Variants in EIF4G3 observed in about 807,000 individuals in gnomAD.
EIF4G3 encodes the protein eukaryotic translation initiation factor 4 gamma 3, also known as eIF-4-gamma 3.
EIF4G3 carries 34 observed loss-of-function variants against 186.4 expected under a neutral mutation model. That is an observed-to-expected ratio of 0.18 (90% confidence interval 0.14 to 0.24). EIF4G3 has a LOEUF of 0.24. EIF4G3 is among the 10% of genes least tolerant of loss of function. EIF4G3 has a pLI of 1.00. For synonymous variants in EIF4G3, 673 were observed against 679.5 expected (o/e 0.99, Z 0.15); for missense variants, 1,536 against 1,948.5 (o/e 0.79, Z 3.99).
intron 29 of EIF4G3, 169 bp from the exon 30 acceptor site, chr1:20,841,197 A>C (rs2068460966): frequency 1.7e-6 from 1 of 593,888 alleles, no homozygotes; most frequent in African/African-American, 1.9e-5. Context: ...TAGCTCAGTA[A>C]ATTACAGGCT....
At chr1:20,854,850 A>G in intron 26 of EIF4G3, 128 bp downstream of exon 26, 1 of 596,354 alleles carries the variant, frequency 1.7e-6, no homozygotes, top group Non-Finnish European at 2.9e-6. Flanking sequence ...AGGGCTACCA[A>G]TAAAATTTTA....
chr1:20,955,652 G>A (rs1453473903), intron 12 of EIF4G3, among the ~76,000 whole-genome samples: 3 of 152,154 alleles, frequency 2.0e-5, no homozygotes, highest in Non-Finnish European at 2.9e-5. Context: ...AATAATTTTG[G>A]TGGTAATAAT....
rs1160572503 is a variant in EIF4G3, at chr1:21,161,642, T to C, written c.-272+14533A>G. On this transcript the variant is annotated intron_variant, in intron 2 of 36. Coordinates refer to ENST00000602326, the MANE Select transcript of EIF4G3 (RefSeq NM_001391906.1). The stretch of plus-strand genomic sequence containing the variant: ...CTGGGTCAGGCTCTGAACGAAAGGG[T>C]AGAGAGAGATTCAACCAGTCAGTGT... 3.3e-5 allele frequency: 5 copies of C among 151,338 alleles called. No individual in the cohort carries two copies. The East Asian group carries it at 9.7e-4, about 29-fold the overall frequency. The allele number at this position is 151,338 out of a possible 1,614,324, so 9.4% of individuals were successfully genotyped here.
At chr1:20,956,140 C>T (rs2096409095) in intron 12 of EIF4G3, among the ~76,000 whole-genome samples, 1 of 152,080 alleles carries the variant, frequency 6.6e-6, no homozygotes, top group Admixed American at 6.6e-5. Flanking sequence ...AGGCATCAAC[C>T]ACATAGATCA....
intron 2 of EIF4G3, 116 bp downstream of exon 2, chr1:21,176,059 G>T (rs975877531): frequency 3.9e-6 from 1 of 255,956 alleles, no homozygotes; most frequent in Non-Finnish European, 7.3e-6. Context: ...GGCTTGAGCC[G>T]CTGTCCCTTT....
intron 13 of EIF4G3, among the ~76,000 whole-genome samples, chr1:20,946,246 A>G (rs1261185729): frequency 6.6e-6 from 1 of 152,216 alleles, no homozygotes; most frequent in Non-Finnish European, 1.5e-5. Context: ...CCATTCACTG[A>G]ACACACTAGG....
At chr1:20,970,083 C>T (rs1019728995) in intron 11 of EIF4G3, among the ~76,000 whole-genome samples, 4 of 152,060 alleles carry the variant, frequency 2.6e-5, no homozygotes, top group Admixed American at 2.6e-4. Flanking sequence ...CGTGCCTCAG[C>T]CTCCCGTGCC....
intron 2 of EIF4G3, among the ~76,000 whole-genome samples, chr1:21,160,708 G>C (rs946475069): frequency 2.0e-5 from 3 of 152,156 alleles, no homozygotes; most frequent in Non-Finnish European, 1.5e-5. Context: ...ATCTTCAAAA[G>C]TGTCAAAGTC....
intron 27 of EIF4G3, 121 bp from the exon 28 acceptor site, chr1:20,851,599 G>A (rs1370312076): frequency 1.2e-6 from 1 of 808,844 alleles, no homozygotes; most frequent in Non-Finnish European, 2.0e-6. Context: ...GATAACATTA[G>A]ATGTGTGAGG....
At chr1:20,898,184 G>A (rs1263551937) in intron 16 of EIF4G3, among the ~76,000 whole-genome samples, 2 of 151,958 alleles carry the variant, frequency 1.3e-5, no homozygotes, top group East Asian at 1.9e-4. Context: ...CCCATTAACA[G>A]GATTTTACTG....
chr1:21,075,261 G>C (rs1363799299), intron 3 of EIF4G3, among the ~76,000 whole-genome samples: 2 of 151,924 alleles, frequency 1.3e-5, no homozygotes, highest in Non-Finnish European at 2.9e-5. Context: ...TTGCCTATAG[G>C]AAATTCCCCG....
chr1:21,038,776 ATAAGTT>A (rs2093388247), intron 4 of EIF4G3, among the ~76,000 whole-genome samples: 1 of 132,562 alleles, frequency 7.5e-6, no homozygotes, highest in African/African-American at 2.6e-5. Context: ...AAAGTTATGT[ATAAGTT>A]CTTTATTAAG....
chr1:21,072,455 G>A (rs1020236255), intron 3 of EIF4G3, among the ~76,000 whole-genome samples: 6 of 152,120 alleles, frequency 3.9e-5, no homozygotes, highest in Admixed American at 3.3e-4. Flanking sequence ...CAAGGCTGGA[G>A]TGCAGTGGTG....
At chr1:20,857,595 A>G (rs1571755239) in intron 24 of EIF4G3, 98 bp from the exon 25 acceptor site, 1 of 1,007,916 alleles carries the variant, frequency 9.9e-7, no homozygotes, top group East Asian at 2.4e-5. Flanking sequence ...GAGAAAGACA[A>G]CAGAAGATGT....
intron 14 of EIF4G3, among the ~76,000 whole-genome samples, chr1:20,905,333 C>T (rs1327057202): frequency 2.0e-5 from 3 of 152,210 alleles, no homozygotes; most frequent in Non-Finnish European, 4.4e-5. Context: ...AAGCAAGTCA[C>T]AGGTCTCAGG....
At chr1:21,005,084 CACA>C (rs2084669432) in intron 4 of EIF4G3, among the ~76,000 whole-genome samples, 1 of 152,070 alleles carries the variant, frequency 6.6e-6, no homozygotes, top group African/African-American at 2.4e-5. Context: ...CTGTTTCAGA[CACA>C]ACGTTTATGT....
intron 13 of EIF4G3, among the ~76,000 whole-genome samples, chr1:20,946,854 C>T (rs1446793658): frequency 1.3e-5 from 2 of 151,960 alleles, no homozygotes; most frequent in Non-Finnish European, 2.9e-5. Context: ...TTAAGTCAAT[C>T]AAGCAGGAGG....
rs149257108 is a variant in EIF4G3 at position 20,941,796 on chromosome 1, A to T, written c.1358T>A (p.Met453Lys). The change falls in exon 14 of 37, where the codon ATG becomes AAG. Residue 453 changes from methionine to lysine, a missense_variant. Physicochemically the swap from Met to Lys is moderately conservative, Grantham distance 95 (BLOSUM62 -1). Transcript: ENST00000602326. ...LEILENPPEE[M>K]KLECIPAPIT... ...GGGAGCTGGGATACACTCCAGTTTC[A>T]TTTCTTCTGGGGGATTTTCGAGAAT... 4.3e-6 allele frequency: 7 copies of T among 1,613,256 alleles called. No individual in the cohort carries two copies. The highest frequency in any genetic ancestry group is 5.9e-6 in the Non-Finnish European group (7 of 1,179,684).
At chr1:20,851,877 GT>G (rs1258668705) in intron 27 of EIF4G3, among the ~76,000 whole-genome samples, 1 of 152,046 alleles carries the variant, frequency 6.6e-6, no homozygotes, top group African/African-American at 2.4e-5. Flanking sequence ...AATTAGCCGG[GT>G]TTGGTGGCGG....
Sources: allele counts gnomAD v4.1 joint callset (sites outside exome capture counted in the v4.1 genomes callset), GRCh38; gene constraint gnomAD v4.1.1; transcripts MANE v1.5; gene names NCBI Gene and HGNC (gene_info 2026-07-23, HGNC 2026-07-21).